NCALD: variants seen among roughly 807,000 people sequenced by gnomAD.
NCALD encodes neurocalcin delta, also known as neurocalcin-delta.
NCALD carries 10 observed loss-of-function variants against 18.6 expected under a neutral mutation model. The observed-to-expected ratio is 0.54, with a 90% CI of 0.33 to 0.91. The LOEUF (loss-of-function observed/expected upper bound fraction) is 0.91, where lower values mean the gene tolerates loss of function less well. Ranked by LOEUF, NCALD falls within the 40% of genes least tolerant of loss-of-function variation. The pLI is 0.03. For missense variants in NCALD, 184 were observed against 247.6 expected (o/e 0.74, Z 1.72); for synonymous variants, 88 against 87.4 (o/e 1.01, Z -0.04).
intron 1 of NCALD, among the ~76,000 whole-genome samples, chr8:101,782,549 G>A (rs1159510860): frequency 6.6e-6 from 1 of 152,094 alleles, no homozygotes; most frequent in Non-Finnish European, 1.5e-5. Flanking sequence ...ATAAATCCTA[G>A]ATCCTCCATG....
intron 4 of NCALD, among the ~76,000 whole-genome samples, chr8:101,836,443 G>A (rs1814417580): frequency 6.6e-6 from 1 of 152,164 alleles, no homozygotes; most frequent in African/African-American, 2.4e-5. Flanking sequence ...ATGAAATGTG[G>A]AAAATGACCC....
intron 1 of NCALD, among the ~76,000 whole-genome samples, chr8:101,727,000 A>G (rs1816602103): frequency 6.6e-6 from 1 of 152,224 alleles, no homozygotes; most frequent in South Asian, 2.1e-4. Context: ...TAGGCAGACA[A>G]ACACAAGGAA....
intron 1 of NCALD, among the ~76,000 whole-genome samples, chr8:101,724,910 G>C (rs868762961): frequency 6.6e-6 from 1 of 152,314 alleles, no homozygotes; most frequent in Middle Eastern, 3.4e-3. Context: ...AAGTCAGAAA[G>C]AAGTAGTGAA....
At chr8:101,804,728 G>A in intron 4 of NCALD, among the ~76,000 whole-genome samples, 1 of 144,480 alleles carries the variant, frequency 6.9e-6, no homozygotes. Context: ...AAAATATAAT[G>A]CTTTTAAAAA....
At chr8:101,726,079 TGGG>T (rs1397298228) in intron 1 of NCALD, among the ~76,000 whole-genome samples, 2 of 151,992 alleles carry the variant, frequency 1.3e-5, no homozygotes, top group African/African-American at 4.8e-5. Flanking sequence ...GGGTCTAAGC[TGGG>T]AGGCAAGCCT....
chr8:101,974,404 C>T (rs549373428), intron 2 of NCALD, among the ~76,000 whole-genome samples: 1 of 152,180 alleles, frequency 6.6e-6, no homozygotes, highest in South Asian at 2.1e-4. Context: ...AGATTACTGC[C>T]CCAAACCCCC....
intron 2 of NCALD, among the ~76,000 whole-genome samples, chr8:102,001,202 C>A (rs558100633): frequency 6.6e-6 from 1 of 152,306 alleles, no homozygotes; most frequent in East Asian, 1.9e-4. Context: ...GAGCTGAAAA[C>A]CATGGCACGA....
intron 2 of NCALD, among the ~76,000 whole-genome samples, chr8:101,949,952 A>G (rs1191401920): frequency 6.6e-6 from 1 of 152,118 alleles, no homozygotes; most frequent in African/African-American, 2.4e-5. Context: ...CACTTCATCA[A>G]AGTTCTTCCA....
At chr8:101,728,801 C>G (rs1816686651) in intron 1 of NCALD, among the ~76,000 whole-genome samples, 1 of 152,088 alleles carries the variant, frequency 6.6e-6, no homozygotes, top group Non-Finnish European at 1.5e-5. Context: ...GTCTGGGCAA[C>G]AGAGCGAGAC....
At position 102,064,284 on chromosome 8, in the gene NCALD, G is replaced by C. The variant is rs533111106; in HGVS notation, c.-209-43995C>G. 2.0e-5 allele frequency among the ~76,000 whole-genome samples: 3 copies of C among 152,248 alleles called. No homozygotes were observed. In the South Asian group the frequency reaches 6.2e-4, roughly 32 times the overall value. On this transcript the variant is annotated intron_variant, in intron 1 of 6. Coordinates refer to the NCALD transcript ENST00000311028. ...GCTCTGGGAATATCTACATCAAGAGGAGAGAGTACTAACACCCACTCCCCA... is the reference window on the plus strand; with the variant it reads ...GCTCTGGGAATATCTACATCAAGAGCAGAGAGTACTAACACCCACTCCCCA...
At chr8:101,894,139 G>A (rs1776235821) in intron 3 of NCALD, among the ~76,000 whole-genome samples, 1 of 141,330 alleles carries the variant, frequency 7.1e-6, no homozygotes, top group South Asian at 2.2e-4. Flanking sequence ...AAATGTAAAA[G>A]AACAGAAATT....
At chr8:101,771,564 A>AC (rs1469225282) in intron 1 of NCALD, among the ~76,000 whole-genome samples, 1 of 152,228 alleles carries the variant, frequency 6.6e-6, no homozygotes, top group Non-Finnish European at 1.5e-5. Flanking sequence ...TACAGGGCCT[A>AC]CCAGGACATC....
At chr8:101,981,264 T>C (rs886773522) in intron 2 of NCALD, among the ~76,000 whole-genome samples, 2 of 152,214 alleles carry the variant, frequency 1.3e-5, no homozygotes, top group African/African-American at 2.4e-5. Context: ...CTTGTATGCA[T>C]ACCTACAAGA....
chr8:101,956,598 GGAGAGAGAGAGAGACAGACACA>G lies in NCALD; in HGVS notation c.-156-40762_-156-40741del, dbSNP rs1395731724. Among the ~76,000 whole-genome samples, 15 of 151,310 alleles carry G rather than the reference GGAGAGAGAGAGAGACAGACACA, an allele frequency of 9.9e-5. No homozygotes were observed. The East Asian group carries it at 1.2e-3, about 12-fold the overall frequency. Reference sequence around the variant, plus strand: ...GAAAGAGGGATAGGGAGAGGGAGGTGGAGAGAGAGAGAGACAGACACAGAGAGAGAGAGAGACAGACACACAG... The same window carrying G: ...GAAAGAGGGATAGGGAGAGGGAGGTGGAGAGAGAGAGAGACAGACACACAG... On this transcript the variant is annotated intron_variant, in intron 2 of 6. Coordinates refer to the NCALD transcript ENST00000311028.
intron 1 of NCALD, among the ~76,000 whole-genome samples, chr8:102,072,350 C>G (rs1451667223): frequency 6.6e-6 from 1 of 151,948 alleles, no homozygotes; most frequent in Non-Finnish European, 1.5e-5. Flanking sequence ...TTAAAACGAC[C>G]CTTAAAAGAG....
intron 1 of NCALD, among the ~76,000 whole-genome samples, chr8:102,081,662 G>A (rs1238155742): frequency 1.3e-5 from 2 of 151,670 alleles, no homozygotes; most frequent in Non-Finnish European, 2.9e-5. Context: ...ATCAGCCTGC[G>A]GACTTAAGCC....
At chr8:101,832,110 C>T (rs946413304) in intron 4 of NCALD, among the ~76,000 whole-genome samples, 2 of 152,126 alleles carry the variant, frequency 1.3e-5, no homozygotes, top group African/African-American at 4.8e-5. Flanking sequence ...TGGAGTGCTT[C>T]CTATATACCA....
intron 1 of NCALD, among the ~76,000 whole-genome samples, chr8:102,071,860 A>G (rs1366702164): frequency 6.6e-6 from 1 of 152,228 alleles, no homozygotes; most frequent in Non-Finnish European, 1.5e-5. Flanking sequence ...AAATGGCAAG[A>G]TATACAATGA....
chr8:102,081,558 A>AG (rs761778929), intron 1 of NCALD, among the ~76,000 whole-genome samples: 1 of 127,330 alleles, frequency 7.9e-6, no homozygotes, highest in Non-Finnish European at 1.7e-5. Context: ...AAAAAAAAAA[A>AG]AAAAAAAAAA....
Sources: gnomAD v4.1 joint callset for allele counts (sites outside exome capture counted in the v4.1 genomes callset) on GRCh38, gnomAD v4.1.1 for gene constraint, MANE v1.5 for transcripts, NCBI Gene and HGNC (gene_info 2026-07-23, HGNC 2026-07-21) for gene names.